The following MBD2 variants were observed in gnomAD, a reference collection of about 807,000 sequenced individuals.
MBD2 encodes the protein methyl-CpG-binding domain protein 2.
Under a neutral mutation model 39.3 loss-of-function variants are expected in MBD2, and 9 were observed. The ratio of observed to expected loss-of-function variants is 0.23; its 90% CI spans 0.14 to 0.40. The LOEUF (loss-of-function observed/expected upper bound fraction) is 0.40. Among genes scored for constraint, MBD2 ranks in the 10% least tolerant of loss-of-function variants. MBD2 has a pLI of 1.00. For synonymous variants in MBD2, 233 were observed against 211.1 expected (o/e 1.10, Z -0.90); for missense variants, 458 against 532.6 (o/e 0.86, Z 1.38).
Position 54,224,648 on chromosome 18 carries a change from G to T in MBD2, c.-89C>A, listed in dbSNP as rs1331958792. On this transcript the variant is annotated 5_prime_UTR_variant, in exon 1 of 7. Transcript: ENST00000256429. ...CCGCCCCGCCCGCAGCGCGGCGCGC[G>T]GGGGACGCGCGCAAGCATCATAGAG... 12 of 979,644 alleles carry T rather than the reference G, an allele frequency of 1.2e-5. No individual in the cohort carries two copies. Among genetic ancestry groups the T allele is most frequent in the Non-Finnish European group, 7.9e-6 (6 of 758,104 alleles). The allele number at this position is 979,644 out of a possible 1,614,324, so 60.7% of individuals were successfully genotyped here.
chr18:54,224,308 C>G lies in MBD2; in HGVS notation c.252G>C (p.Arg84=), dbSNP rs2086643279. The G allele has an allele frequency of 1.0e-6, 1 of 960,524 alleles. No individual in the cohort carries two copies. 59.5% of individuals were successfully genotyped at this position (960,524 alleles called of 1,614,324 possible). The change falls in exon 1 of 7, where the codon CGG becomes CGC. Residue 84 remains arginine (R), a synonymous_variant. Coordinates refer to ENST00000256429, the MANE Select transcript of MBD2 (RefSeq NM_003927.5). ...CCCGGCCCCGGCCCCGTCCCCGTCC[C>G]CGGCCACGGCCCCGGCCCCGGCCAC... The part of the protein sequence containing the change: ...CGRGRGRGRG[R]GRGRGRGRGR...
intron 2 of MBD2, among the ~76,000 whole-genome samples, chr18:54,189,918 G>A (rs1183221207): frequency 6.6e-6 from 1 of 152,112 alleles, no homozygotes; most frequent in Non-Finnish European, 1.5e-5. Flanking sequence ...CAAAGTGCTG[G>A]GATTACAGGT....
rs369106034 is a variant in MBD2 at position 54,222,478 on chromosome 18, C to A, written c.542+1540G>T. The A allele has an allele frequency of 1.6e-3, 657 of 400,254 alleles. 8 individuals carry two copies. The highest frequency in any genetic ancestry group is 0.011 in the South Asian group (611 of 53,614). The allele number at this position is 400,254 out of a possible 1,614,324, so 24.8% of individuals were successfully genotyped here. A position where few individuals can be genotyped will look rare whatever the true frequency, so the allele number is the denominator to read the frequency against. The stretch of plus-strand genomic sequence containing the variant: ...GGAAATACAAACCAAGACTATCACA[C>A]TTTTTCTTTTTTTTCTTTAAAGAGA... On this transcript the variant is annotated intron_variant, in intron 1 of 6. Coordinates refer to ENST00000256429, the MANE Select transcript of MBD2 (RefSeq NM_003927.5).
chr18:54,224,290 CCGGCCCCGTCCCCGTCCCCGGCCA>C lies in MBD2; in HGVS notation c.246_269del (p.Gly89_Arg96del), dbSNP rs1398121326. On this transcript the variant is annotated inframe_deletion, in exon 1 of 7. Coordinates refer to ENST00000256429, the MANE Select transcript of MBD2 (RefSeq NM_003927.5). ...TCGGGGGACGGCCGCGGCCCCGGCC[CCGGCCCCGTCCCCGTCCCCGGCCA>C]CGGCCCCGGCCCCGGCCACGGCCAC... 7.4e-6 allele frequency: 7 copies of C among 947,724 alleles called. No individual in the cohort carries two copies. Among genetic ancestry groups the C allele is most frequent in the Non-Finnish European group, 8.8e-6 (7 of 797,596 alleles). The allele number at this position is 947,724 out of a possible 1,614,324, so 58.7% of individuals were successfully genotyped here. A position where few individuals can be genotyped will look rare whatever the true frequency, so the allele number is the denominator to read the frequency against.
chr18:54,202,806 A>T, intron 2 of MBD2: 1 of 1,549,612 alleles, frequency 6.5e-7, no homozygotes, highest in East Asian at 2.3e-5. Flanking sequence ...AAAAGCAAAA[A>T]AAGACATGGT....
At chr18:54,193,581 T>A (rs1361836433) in intron 2 of MBD2, among the ~76,000 whole-genome samples, 3 of 152,180 alleles carry the variant, frequency 2.0e-5, no homozygotes, top group Non-Finnish European at 4.4e-5. Flanking sequence ...CCAGTAAGTA[T>A]CTGAGATATA....
chr18:54,166,209 C>G, intron 3 of MBD2, 43 bp from the exon 4 acceptor site: 2 of 1,198,226 alleles, frequency 1.7e-6, no homozygotes. Context: ...ATTTTTGAAA[C>G]AAGAAAGTAG....
chr18:54,203,607 T>C (rs2086425545), intron 2 of MBD2, among the ~76,000 whole-genome samples: 1 of 152,206 alleles, frequency 6.6e-6, no homozygotes, highest in Non-Finnish European at 1.5e-5. Flanking sequence ...AGGTATGATA[T>C]GAAGAAACAA....
At chr18:54,181,428 T>A (rs1188178877) in intron 3 of MBD2, among the ~76,000 whole-genome samples, 2 of 152,252 alleles carry the variant, frequency 1.3e-5, no homozygotes, top group African/African-American at 4.8e-5. Flanking sequence ...GTCAAAGATA[T>A]CATTCTCCCA....
At chr18:54,163,698 A>T (rs1022370859) in intron 5 of MBD2, among the ~76,000 whole-genome samples, 2 of 152,070 alleles carry the variant, frequency 1.3e-5, no homozygotes, top group Non-Finnish European at 2.9e-5. Flanking sequence ...GTCTTGTCTC[A>T]TTCCTGGCTC....
chr18:54,189,850 A>G (rs2086308807), intron 2 of MBD2, among the ~76,000 whole-genome samples: 1 of 151,658 alleles, frequency 6.6e-6, no homozygotes, highest in Admixed American at 6.6e-5. Flanking sequence ...GGGTCTCCCT[A>G]CATTACCAGG....
chr18:54,216,549 A>G (rs1018051398), intron 1 of MBD2, among the ~76,000 whole-genome samples: 2 of 152,210 alleles, frequency 1.3e-5, no homozygotes, highest in African/African-American at 2.4e-5. Context: ...CTTGCCAACT[A>G]TTTCTTAAAG....
intron 2 of MBD2, chr18:54,202,946 AG>A: frequency 1.0e-6 from 1 of 989,552 alleles, no homozygotes; most frequent in South Asian, 1.3e-5. Flanking sequence ...CAGGCTTCCC[AG>A]AGATGGAGAC....
chr18:54,204,460 T>C (rs1040734985), intron 2 of MBD2, among the ~76,000 whole-genome samples: 1 of 152,190 alleles, frequency 6.6e-6, no homozygotes, highest in Non-Finnish European at 1.5e-5. Flanking sequence ...CAAATGAGAT[T>C]TGCTTAAATT....
intron 3 of MBD2, among the ~76,000 whole-genome samples, chr18:54,188,249 C>G (rs2086297446): frequency 6.6e-6 from 1 of 152,172 alleles, no homozygotes; most frequent in African/African-American, 2.4e-5. Context: ...TGTCCAGTCT[C>G]CCTCCCCGGG....
chr18:54,212,348 G>A (rs1360518617), intron 1 of MBD2, among the ~76,000 whole-genome samples: 1 of 152,064 alleles, frequency 6.6e-6, no homozygotes, highest in Non-Finnish European at 1.5e-5. Context: ...AGTAATTATT[G>A]CCTATGTTAG....
rs1413905940 is a variant in MBD2 at position 54,153,652 on chromosome 18, C to T, written c.*1672G>A. 1 of 152,148 alleles carries T rather than the reference C, an allele frequency of 6.6e-6. No homozygotes were observed. Among genetic ancestry groups the T allele is most frequent in the Non-Finnish European group, 1.5e-5 (1 of 68,054 alleles). 9.4% of individuals were successfully genotyped at this position (152,148 alleles called of 1,614,324 possible). On this transcript the variant is annotated 3_prime_UTR_variant, in exon 7 of 7. Coordinates refer to ENST00000256429, the MANE Select transcript of MBD2 (RefSeq NM_003927.5). ...GAGGAAGAGAAAAGCCCTTGGACAT[C>T]CATTCTCACTAGTCATACTAGCTTT...
intron 2 of MBD2, among the ~76,000 whole-genome samples, chr18:54,192,853 A>C (rs560156093): frequency 6.6e-6 from 1 of 152,172 alleles, no homozygotes; most frequent in Non-Finnish European, 1.5e-5. Context: ...CCTGGCTAAA[A>C]TATTTAAGAT....
chr18:54,151,795 G>T lies in MBD2; in HGVS notation c.*3529C>A, dbSNP rs1427350085. The stretch of plus-strand genomic sequence containing the variant: ...AAACGAGTAATCTTATATTCAAAGA[G>T]ATTGTATAACACTCTCTAGATCTCC... On this transcript the variant is annotated 3_prime_UTR_variant, in exon 7 of 7. Coordinates refer to ENST00000256429, the MANE Select transcript of MBD2 (RefSeq NM_003927.5). 1 of 138,240 alleles carries T rather than the reference G, an allele frequency of 7.2e-6. No individual in the cohort carries two copies. The highest frequency in any genetic ancestry group is 1.5e-5 in the Non-Finnish European group (1 of 65,340). The allele number at this position is 138,240 out of a possible 1,614,324, so 8.6% of individuals were successfully genotyped here. A position where few individuals can be genotyped will look rare whatever the true frequency, so the allele number is the denominator to read the frequency against.
Sources: gnomAD v4.1 joint callset for allele counts (sites outside exome capture counted in the v4.1 genomes callset) on GRCh38, gnomAD v4.1.1 for gene constraint, MANE v1.5 for transcripts, NCBI Gene and HGNC (gene_info 2026-07-23, HGNC 2026-07-21) for gene names.